Variants in UBE3B observed in about 807,000 individuals in gnomAD.
The protein encoded by UBE3B is ubiquitin protein ligase E3B.
A neutral mutation model predicts 132.3 loss-of-function variants in UBE3B; 80 were observed. That is an observed-to-expected ratio of 0.60 (90% CI 0.50 to 0.73). UBE3B has a LOEUF of 0.73. Among genes scored for constraint, UBE3B ranks in the 30% least tolerant of loss-of-function variants. The probability of loss-of-function intolerance (pLI) is 0.00; values close to 1 mark genes in which losing one functional copy is unlikely to be tolerated. For synonymous variants in UBE3B, 487 were observed against 520.4 expected (o/e 0.94, Z 0.87); for missense variants, 1,196 against 1,362.5 (o/e 0.88, Z 1.92).
intron 4 of UBE3B, among the ~76,000 whole-genome samples, chr12:109,485,189 T>C (rs1876204704): frequency 6.6e-6 from 1 of 152,266 alleles, no homozygotes; most frequent in South Asian, 2.1e-4. Flanking sequence ...CAGCTAGTTA[T>C]CTGTAATAGT....
downstream of UBE3B, among the ~76,000 whole-genome samples, chr12:109,539,168 G>A (rs933750146): frequency 6.6e-6 from 1 of 152,172 alleles, no homozygotes; most frequent in Admixed American, 6.5e-5. Context: ...CCCAGGAGGC[G>A]GAGGTTGCAA....
Position 109,536,279 on chromosome 12 carries a change from A to T in UBE3B, c.*1497A>T, listed in dbSNP as rs951958864. The T allele has an allele frequency of 6.6e-6, 1 of 152,248 alleles. No homozygotes were observed. The highest frequency in any genetic ancestry group is 2.4e-5 in the African/African-American group (1 of 41,450). 9.4% of individuals were successfully genotyped at this position (152,248 alleles called of 1,614,324 possible). On this transcript the variant is annotated 3_prime_UTR_variant, in exon 28 of 28. Coordinates refer to ENST00000342494, the MANE Select transcript of UBE3B (RefSeq NM_130466.4). Reference sequence around the variant, plus strand: ...TAACCTCTGATTCTGTGGACTTGCCACTTTCTCCAAACGCTCGGTTCCTTT... The same window carrying T: ...TAACCTCTGATTCTGTGGACTTGCCTCTTTCTCCAAACGCTCGGTTCCTTT...
chr12:109,545,648 G>A, the UBE3B span, among the ~76,000 whole-genome samples: 1 of 152,196 alleles, frequency 6.6e-6, no homozygotes, highest in South Asian at 2.1e-4. Flanking sequence ...GAAGAGGGGT[G>A]GGAGAACATT....
Position 109,491,052 on chromosome 12 carries a change from T to C in UBE3B, c.638T>C (p.Leu213Ser). 1.9e-6 allele frequency: 3 copies of C among 1,613,630 alleles called. No homozygotes were observed. Among genetic ancestry groups the C allele is most frequent in the Non-Finnish European group, 2.5e-6 (3 of 1,179,680 alleles). Residue 213 changes from leucine to serine, a missense_variant, in exon 9 of 28, where the codon TTA (leucine) becomes TCA (serine). Leu to Ser is a moderately radical substitution (Grantham distance 145, BLOSUM62 -2). Coordinates refer to ENST00000342494, the MANE Select transcript of UBE3B (RefSeq NM_130466.4). ...TTAAAACATTCTTTTCAGATATTGT[T>C]AACCCGTGGCCTGGCAAGACCCCGT... The part of the protein sequence containing the change: ...HGFYSVLQIL[L>S]TRGLARPRPC...
At chr12:109,530,368 C>G (rs1015520285) in intron 25 of UBE3B, among the ~76,000 whole-genome samples, 179 bp from the exon 26 acceptor site, 1 of 152,198 alleles carries the variant, frequency 6.6e-6, no homozygotes, top group Non-Finnish European at 1.5e-5. Context: ...AATTCCCCAC[C>G]CTTTTAGCTT....
the UBE3B span, among the ~76,000 whole-genome samples, chr12:109,547,193 G>A: frequency 6.6e-5 from 10 of 152,162 alleles, no homozygotes; most frequent in East Asian, 3.9e-4. This position sits in a 1 kb window ranked among gnomAD's most constrained non-coding sequence, Gnocchi z 4.1. Context: ...CACAAGAGGC[G>A]TCCTGCCCAC....
At chr12:109,488,812 G>C (rs1310148474) in intron 7 of UBE3B, 144 bp downstream of exon 7, 3 of 702,064 alleles carry the variant, frequency 4.3e-6, no homozygotes, top group East Asian at 5.1e-5. Flanking sequence ...CCTTGGTGCT[G>C]ACCATCAGAC....
In UBE3B at chr12:109,534,839, A is replaced by G; in HGVS notation, c.*57A>G. 3 of 1,411,810 alleles carry G rather than the reference A, an allele frequency of 2.1e-6. No homozygotes were observed. The highest frequency in any genetic ancestry group is 2.8e-6 in the Non-Finnish European group (3 of 1,054,040). 87.5% of individuals were successfully genotyped at this position (1,411,810 alleles called of 1,614,324 possible). ...GGGCTGCCAGGGACCTTCAGCTCCC[A>G]GAGGCAGTGTGGTCCTGGGAATGTG... On this transcript the variant is annotated 3_prime_UTR_variant, in exon 28 of 28. Transcript: ENST00000342494. This position sits in a 1 kb window ranked among gnomAD's most constrained non-coding sequence, Gnocchi z 5.2.
the UBE3B span, among the ~76,000 whole-genome samples, chr12:109,545,245 A>G: frequency 6.8e-4 from 103 of 152,310 alleles, 1 homozygote; most frequent in Non-Finnish European, 4.4e-5. Context: ...CACATTGCAG[A>G]TGGTGCCAGA....
chr12:109,492,607 G>T (rs992117533), intron 9 of UBE3B: 1 of 152,120 alleles, frequency 6.6e-6, no homozygotes, highest in Non-Finnish European at 1.5e-5. Flanking sequence ...GCTGGGCATG[G>T]TGCCATGTGC....
At chr12:109,486,638 C>T (rs1876517328) in intron 6 of UBE3B, 63 bp downstream of exon 6, 1 of 1,297,964 alleles carries the variant, frequency 7.7e-7, no homozygotes, top group Non-Finnish European at 1.1e-6. Flanking sequence ...TCATTTTCAC[C>T]TGTAGACTTT....
chr12:109,536,862 C>T (rs1883470531), downstream of UBE3B, among the ~76,000 whole-genome samples: 1 of 152,156 alleles, frequency 6.6e-6, no homozygotes, highest in African/African-American at 2.4e-5. Flanking sequence ...GGGATGTTGG[C>T]AGTCTGTCCT....
At chr12:109,492,981 G>A (rs1877689824) in intron 9 of UBE3B, among the ~76,000 whole-genome samples, 1 of 152,144 alleles carries the variant, frequency 6.6e-6, no homozygotes, top group African/African-American at 2.4e-5. Context: ...ATAGCCAGTG[G>A]CTACCATATT....
At chr12:109,496,926 C>G (rs1878280609) in intron 9 of UBE3B, among the ~76,000 whole-genome samples, 1 of 152,054 alleles carries the variant, frequency 6.6e-6, no homozygotes, top group African/African-American at 2.4e-5. Context: ...GACTCTTGTG[C>G]TTTTAGTGTG....
chr12:109,522,314 C>T lies in UBE3B; in HGVS notation c.2364+763C>T, dbSNP rs1881808967. ...TGGGGTCAGGGTGATGTGGCCCACACAGCTCCTGTCCATTGAAACCCCGTC... is the reference window on the plus strand; with the variant it reads ...TGGGGTCAGGGTGATGTGGCCCACATAGCTCCTGTCCATTGAAACCCCGTC... On this transcript the variant is annotated intron_variant, in intron 21 of 27. Transcript: ENST00000342494. This position sits in a 1 kb window ranked among gnomAD's most constrained non-coding sequence, Gnocchi z 4.2. 6.6e-6 allele frequency among the ~76,000 whole-genome samples: 1 copy of T among 152,180 alleles called. No homozygotes were observed. The highest frequency in any genetic ancestry group is 1.5e-5 in the Non-Finnish European group (1 of 68,034).
intron 13 of UBE3B, among the ~76,000 whole-genome samples, chr12:109,502,557 G>A (rs1050880643): frequency 2.6e-5 from 4 of 152,216 alleles, no homozygotes; most frequent in African/African-American, 9.7e-5. Flanking sequence ...ACTCCAGCAG[G>A]ATATCAATGG....
intron 7 of UBE3B, among the ~76,000 whole-genome samples, chr12:109,489,519 G>C (rs769577695): frequency 1.3e-5 from 2 of 152,170 alleles, no homozygotes; most frequent in South Asian, 2.1e-4. Flanking sequence ...TGGCCTCTTG[G>C]GGGGAACCCA....
rs1247364631 is a variant in UBE3B at position 109,506,232 on chromosome 12, G to A, written c.1451-1332G>A. 2.0e-5 allele frequency among the ~76,000 whole-genome samples: 3 copies of A among 152,266 alleles called. No homozygotes were observed. In the South Asian group the frequency reaches 6.2e-4, roughly 31 times the overall value. ...AAGCTTTGCCAAAGGTGGCGAGCCT[G>A]CAAGATGGTTTAAGGCAAGGGTCAG... On this transcript the variant is annotated intron_variant, in intron 14 of 27. Coordinates refer to ENST00000342494, the MANE Select transcript of UBE3B (RefSeq NM_130466.4).
At chr12:109,537,676 T>C (rs1406295540), downstream of UBE3B, among the ~76,000 whole-genome samples, 2 of 152,298 alleles carry the variant, frequency 1.3e-5, no homozygotes. Context: ...CACCTAAAAC[T>C]AAAGCTTTAT....
Sources: gnomAD v4.1 joint callset for allele counts (sites outside exome capture counted in the v4.1 genomes callset) on GRCh38, gnomAD v4.1.1 for gene constraint, Gnocchi (gnomAD v3.1) non-coding constraint, MANE v1.5 for transcripts, NCBI Gene and HGNC (gene_info 2026-07-23, HGNC 2026-07-21) for gene names.